SNX5: variants seen among roughly 807,000 people sequenced by gnomAD.
The protein encoded by SNX5 is sorting nexin-5.
A neutral mutation model predicts 53.9 loss-of-function variants in SNX5; 31 were observed. That is an observed-to-expected ratio of 0.58 (90% CI 0.43 to 0.78). SNX5 has a LOEUF of 0.78. SNX5 is among the 30% of genes least tolerant of loss of function. SNX5 has a pLI of 0.00. For missense variants in SNX5, 471 were observed against 478.8 expected (o/e 0.98, Z 0.15); for synonymous variants, 168 against 171.1 (o/e 0.98, Z 0.14).
chr20:17,968,181 G>A (rs2035591960), intron 1 of SNX5, 194 bp downstream of exon 1: 1 of 412,298 alleles, frequency 2.4e-6, no homozygotes, highest in Non-Finnish European at 4.2e-6. Flanking sequence ...TAGAATCCGG[G>A]ACATCCACAG....
At chr20:17,959,360 G>A (rs2035413084) in intron 1 of SNX5, among the ~76,000 whole-genome samples, 1 of 152,050 alleles carries the variant, frequency 6.6e-6, no homozygotes, top group East Asian at 1.9e-4. Context: ...TTCCTTTCTG[G>A]TTAGTATAGA....
In SNX5 at chr20:17,954,112, T is replaced by C; in HGVS notation, c.273A>G (p.Pro91=). 2 of 1,613,622 alleles carry C rather than the reference T, an allele frequency of 1.2e-6. No homozygotes were observed. The highest frequency in any genetic ancestry group is 1.7e-6 in the Non-Finnish European group (2 of 1,179,698). ...ETTDYAGLII[P]PAPTKPDFDG... ...CAAAGTCGGGCTTCGTAGGAGCAGG[T>C]GGAATCTGCAGCAGAGGCAGGAACT... The change falls in exon 4 of 13, where the codon CCA becomes CCG. Residue 91 remains proline, a synonymous_variant. Transcript: ENST00000377759.
chr20:17,949,061 T>C lies in SNX5; in HGVS notation c.831+3A>G, dbSNP rs2039527785. ...TTATGAAGACCAACACAGAAATCCTTACCCTTAGTTTTTCAAATAGCTCAG... is the reference window on the plus strand; with the variant it reads ...TTATGAAGACCAACACAGAAATCCTCACCCTTAGTTTTTCAAATAGCTCAG... On this transcript the variant is annotated splice_donor_region_variant and intron_variant, in intron 9 of 12. Coordinates refer to ENST00000377759, the MANE Select transcript of SNX5 (RefSeq NM_014426.4). 3 of 1,612,916 alleles carry C rather than the reference T, an allele frequency of 1.9e-6. No homozygotes were observed. The highest frequency in any genetic ancestry group is 2.5e-6 in the Non-Finnish European group (3 of 1,179,386).
Position 17,952,592 on chromosome 20 carries a change from G to C in SNX5, c.508C>G (p.Gln170Glu). Residue 170 changes from glutamine (Q) to glutamate (E), a missense_variant, in exon 5 of 13, where the codon CAG becomes GAG. Coordinates refer to ENST00000377759, the MANE Select transcript of SNX5 (RefSeq NM_014426.4). Reference sequence around the variant, plus strand: ...ATGGAATAAAAATGCCTTACATCCTGATCATATTCCAGGAAAACATGAAAG... The same window carrying C: ...ATGGAATAAAAATGCCTTACATCCTCATCATATTCCAGGAAAACATGAAAG... ...RNFHVFLEYD[Q>E]DLSVRRKNTK... 1 of 1,613,664 alleles carries C rather than the reference G, an allele frequency of 6.2e-7. No individual in the cohort carries two copies. Among genetic ancestry groups the C allele is most frequent in the Non-Finnish European group, 8.5e-7 (1 of 1,179,782 alleles).
rs747334002 is a variant in SNX5, at chr20:17,942,412, G to A, written c.1165-5C>T. 1.2e-6 allele frequency: 2 copies of A among 1,608,548 alleles called. No individual in the cohort carries two copies. Among genetic ancestry groups the A allele is most frequent in the Middle Eastern group, 1.7e-4 (1 of 6,040 alleles). On this transcript the variant is annotated splice_region_variant and splice_polypyrimidine_tract_variant and intron_variant, in intron 12 of 12. Coordinates refer to ENST00000377759, the MANE Select transcript of SNX5 (RefSeq NM_014426.4). ...CTGCAAAAGGGAGACATTGTTCTGT[G>A]GGGAAAAAAGGCAAGGCAGACCAGT... is the stretch of plus-strand genomic sequence containing the variant.
intron 11 of SNX5, chr20:17,944,068 G>A (rs1474671085): frequency 2.6e-5 from 4 of 152,180 alleles, no homozygotes; most frequent in African/African-American, 9.7e-5. Context: ...AGGACATTAT[G>A]CCAAATAAAA....
Position 17,968,099 on chromosome 20 carries a change from C to G in SNX5, c.51+276G>C, listed in dbSNP as rs556718638. 1.0e-5 allele frequency: 4 copies of G among 398,866 alleles called. No homozygotes were observed. The Admixed American group carries it at 1.3e-4, about 13-fold the overall frequency. 24.7% of individuals were successfully genotyped at this position (398,866 alleles called of 1,614,324 possible). On this transcript the variant is annotated intron_variant, in intron 1 of 12. Coordinates refer to ENST00000377759, the MANE Select transcript of SNX5 (RefSeq NM_014426.4). The stretch of plus-strand genomic sequence containing the variant: ...AGAACATTCCGGGGTCTCCAGAGAT[C>G]ATCTCTCCAAGTCCGCTCGGCACCG...
intron 6 of SNX5, 185 bp downstream of exon 6, chr20:17,951,315 A>G (rs1472247999): frequency 3.5e-6 from 2 of 575,612 alleles, no homozygotes; most frequent in Non-Finnish European, 6.3e-6. Context: ...CTCCTGGGAC[A>G]GAACAAGGTG....
intron 7 of SNX5, 29 bp from the exon 8 acceptor site, chr20:17,950,236 C>T (rs753173417): frequency 6.1e-5 from 99 of 1,613,202 alleles, no homozygotes; most frequent in Non-Finnish European, 7.9e-5. Context: ...GTCTTTTTAT[C>T]CAAACACAGC....
At chr20:17,952,461 G>T in intron 5 of SNX5, 126 bp downstream of exon 5, 1 of 916,080 alleles carries the variant, frequency 1.1e-6, no homozygotes. Context: ...TGAAGGAAAA[G>T]CAGCATCTAA....
Position 17,951,489 on chromosome 20 carries a change from A to G in SNX5, c.609+11T>C, listed in dbSNP as rs2039567084. On this transcript the variant is annotated intron_variant, in intron 6 of 12. Transcript: ENST00000377759. ...GTAAAAAATTTTCTCCAACAGCCAA[A>G]GGTCACTTACCTTAACTCCAGTAAA... 3.1e-6 allele frequency: 5 copies of G among 1,590,590 alleles called. No individual in the cohort carries two copies. The highest frequency in any genetic ancestry group is 2.3e-4 in the Middle Eastern group (1 of 4,408).
chr20:17,963,393 G>A (rs56242810), intron 1 of SNX5, among the ~76,000 whole-genome samples: 1,838 of 152,288 alleles, frequency 0.012, 32 homozygotes, highest in African/African-American at 0.04. Flanking sequence ...TTGAGCTCAG[G>A]ATTTTGAGTC....
In SNX5 at chr20:17,942,328, T is replaced by A. The variant is rs776036588; in HGVS notation, c.*29A>T. The A allele has an allele frequency of 6.1e-6, 9 of 1,473,150 alleles. No individual in the cohort carries two copies. The highest frequency in any genetic ancestry group is 1.9e-6 in the Non-Finnish European group (2 of 1,051,808). 91.3% of individuals were successfully genotyped at this position (1,473,150 alleles called of 1,614,324 possible). On this transcript the variant is annotated 3_prime_UTR_variant, in exon 13 of 13. Transcript: ENST00000377759. ...AGTGATGCTTGGCTTTCTTTCACATTCATTTCTTTTCTTCTGAGTGAAGGC... is the reference window on the plus strand; with the variant it reads ...AGTGATGCTTGGCTTTCTTTCACATACATTTCTTTTCTTCTGAGTGAAGGC...
chr20:17,942,478 A>T, intron 12 of SNX5, 71 bp from the exon 13 acceptor site: 1 of 1,137,422 alleles, frequency 8.8e-7, no homozygotes, highest in Non-Finnish European at 1.3e-6. Flanking sequence ...TGACTCAAGT[A>T]CACCAACACG....
intron 1 of SNX5, among the ~76,000 whole-genome samples, chr20:17,964,128 G>A (rs952198095): frequency 1.3e-5 from 2 of 152,138 alleles, no homozygotes; most frequent in African/African-American, 4.8e-5. Flanking sequence ...GATATAGGAA[G>A]GGTGAGGGAA....
At chr20:17,944,691 GC>G (rs2039463076) in intron 11 of SNX5, 2 of 152,124 alleles carry the variant, frequency 1.3e-5, no homozygotes, top group South Asian at 4.2e-4. Context: ...GACTACAGGC[GC>G]CCGCCACCAC....
At chr20:17,959,470 T>C (rs1035827192) in intron 1 of SNX5, among the ~76,000 whole-genome samples, 7 of 4,118 alleles carry the variant, frequency 1.7e-3, no homozygotes, top group African/African-American at 6.6e-3. Flanking sequence ...CGAGGTTCAC[T>C]AGCAGCCATT....
chr20:17,962,939 C>T (rs747443048), intron 1 of SNX5: 1 of 516,308 alleles, frequency 1.9e-6, no homozygotes, highest in Non-Finnish European at 3.9e-6. Flanking sequence ...ACTGAATCAT[C>T]ATTTCACAAG....
intron 1 of SNX5, among the ~76,000 whole-genome samples, chr20:17,960,610 C>A (rs536928702): frequency 6.6e-6 from 1 of 150,532 alleles, no homozygotes; most frequent in Non-Finnish European, 1.5e-5. Flanking sequence ...AACAAACAAA[C>A]AAAAAAACAC....
Sources: gnomAD v4.1 joint callset for allele counts (sites outside exome capture counted in the v4.1 genomes callset) on GRCh38, gnomAD v4.1.1 for gene constraint, MANE v1.5 for transcripts, NCBI Gene and HGNC (gene_info 2026-07-23, HGNC 2026-07-21) for gene names.